Variants in ZNF451 observed in about 807,000 individuals in gnomAD.
ZNF451 encodes the protein E3 SUMO-protein ligase ZNF451.
ZNF451 carries 80 observed loss-of-function variants against 107.1 expected under a neutral mutation model. That is an observed-to-expected ratio of 0.75 (90% CI 0.62 to 0.90). The LOEUF (loss-of-function observed/expected upper bound fraction) is 0.90. Among genes scored for constraint, ZNF451 ranks in the 40% least tolerant of loss-of-function variants. ZNF451 has a pLI of 0.00. For missense variants in ZNF451, 1,107 were observed against 1,236.2 expected, an observed-to-expected ratio of 0.90 and a Z score of 1.57; for synonymous variants, 362 against 406.5, an observed-to-expected ratio of 0.89 and a Z score of 1.32.
intron 3 of ZNF451, chr6:57,101,908 A>G: frequency 6.4e-7 from 1 of 1,550,554 alleles, no homozygotes; most frequent in Non-Finnish European, 8.7e-7. Flanking sequence ...AGAAGACAAC[A>G]ATATAAAAGA....
At chr6:57,098,378 G>A (rs1028255824) in intron 2 of ZNF451, among the ~76,000 whole-genome samples, 1 of 151,786 alleles carries the variant, frequency 6.6e-6, no homozygotes, top group African/African-American at 2.4e-5. Context: ...GTATTCTCTT[G>A]TATATCCACT....
chr6:57,132,925 G>T, intron 5 of ZNF451, 117 bp from the exon 6 acceptor site: 1 of 973,050 alleles, frequency 1.0e-6, no homozygotes, highest in Non-Finnish European at 1.5e-6. Context: ...ATTATAATTA[G>T]CATCATCCAG....
At chr6:57,120,579 A>G (rs1357306256) in intron 3 of ZNF451, among the ~76,000 whole-genome samples, 1 of 152,238 alleles carries the variant, frequency 6.6e-6, no homozygotes, top group Admixed American at 6.5e-5. Context: ...TCAGTGTTTT[A>G]GATGTGGCCG....
At position 57,150,775 on chromosome 6, in the gene ZNF451, G is replaced by C. The variant is rs763031375; in HGVS notation, c.2665G>C (p.Val889Leu). Residue 889 changes from valine (V) to leucine (L), a missense_variant, in exon 11 of 15, where the codon GTC becomes CTC. Around this residue, in one of 5 missense-constraint regions of ZNF451, gnomAD observed 608 missense variants for 649.2 expected, o/e 0.94. Coordinates refer to ENST00000370706, the MANE Select transcript of ZNF451 (RefSeq NM_001031623.3). The part of the protein sequence containing the change: ...LDYLRTMTHI[V>L]FVDFDNWSNF... ...TTACCTGCGAACCATGACTCATATA[G>C]TCTTTGTAGATTTTGATAACTGGTC... The C allele has an allele frequency of 6.2e-7, 1 of 1,614,002 alleles. No homozygotes were observed. The highest frequency in any genetic ancestry group is 8.5e-7 in the Non-Finnish European group (1 of 1,179,968).
At chr6:57,124,414 T>C (rs1228652663) in intron 3 of ZNF451, 3 of 714,992 alleles carry the variant, frequency 4.2e-6, no homozygotes, top group Non-Finnish European at 7.8e-6. Flanking sequence ...CCTCTCTCTC[T>C]CTCTCCAATT....
In ZNF451 at chr6:57,142,071, A is replaced by C. The variant is rs757228297; in HGVS notation, c.980A>C (p.His327Pro). 40 of 1,613,096 alleles carry C rather than the reference A, an allele frequency of 2.5e-5. No individual in the cohort carries two copies. The highest frequency in any genetic ancestry group is 3.1e-5 in the Non-Finnish European group (37 of 1,179,262). The change falls in exon 9 of 15, where the codon CAC becomes CCC. Residue 327 changes from histidine to proline, a missense_variant. By Grantham distance (77) the His-to-Pro change is moderately conservative. This residue lies in a region of ZNF451 where 339 missense variants were observed against 372.8 expected (regional missense o/e 0.91). Coordinates refer to ENST00000370706, the MANE Select transcript of ZNF451 (RefSeq NM_001031623.3). ...GCCTGCCACAAGACACTGCGTTCCC[A>C]CATGGAGCTCACTGCCCATTTCAGG... ...CVACHKTLRS[H>P]MELTAHFRVH...
chr6:57,124,674 A>G, intron 3 of ZNF451, 60 bp from the exon 4 acceptor site: 2 of 1,217,626 alleles, frequency 1.6e-6, no homozygotes, highest in Admixed American at 1.9e-5. Flanking sequence ...TTATGAATGG[A>G]TGTATATTAT....
intron 13 of ZNF451, among the ~76,000 whole-genome samples, chr6:57,155,288 C>T (rs1035793490): frequency 3.9e-5 from 6 of 152,148 alleles, no homozygotes; most frequent in Admixed American, 6.6e-5. Context: ...AAGTTCAAGA[C>T]CAGCCTGGTC....
Position 57,124,294 on chromosome 6 carries a change from G to C in ZNF451, c.187-440G>C. On this transcript the variant is annotated intron_variant, in intron 3 of 14. Transcript: ENST00000370706. ...GCCCCTCTATGGCTGGCTCCCCCTG[G>C]AGTTTTTAACTCTCAGGCTCGTCCA... is the stretch of plus-strand genomic sequence containing the variant. 4.8e-6 allele frequency: 3 copies of C among 625,784 alleles called. No individual in the cohort carries two copies. In the South Asian group the frequency reaches 5.7e-5, roughly 12 times the overall value. 38.8% of individuals were successfully genotyped at this position (625,784 alleles called of 1,614,324 possible). A position where few individuals can be genotyped will look rare whatever the true frequency, so the allele number is the denominator to read the frequency against.
chr6:57,162,337 A>G (rs919741914), intron 14 of ZNF451, among the ~76,000 whole-genome samples: 6 of 152,206 alleles, frequency 3.9e-5, no homozygotes, highest in African/African-American at 1.4e-4. Flanking sequence ...ACTTTATGCT[A>G]TTAGGAGTTT....
intron 3 of ZNF451, chr6:57,115,335 CAT>C (rs1830316229): frequency 6.6e-6 from 1 of 152,126 alleles, no homozygotes; most frequent in African/African-American, 2.4e-5. Context: ...GTAAGTTTAA[CAT>C]TATCATTTCG....
intron 3 of ZNF451, chr6:57,104,279 C>G (rs1291505007): frequency 1.0e-6 from 1 of 985,192 alleles, no homozygotes; most frequent in Non-Finnish European, 1.2e-6. Context: ...ATCCCATGTG[C>G]TCTTGATATT....
chr6:57,140,808 G>A (rs1467090050), intron 7 of ZNF451, among the ~76,000 whole-genome samples: 1 of 152,166 alleles, frequency 6.6e-6, no homozygotes, highest in African/African-American at 2.4e-5. Context: ...ACTATGGAAT[G>A]AGAAAACTAA....
intron 3 of ZNF451, chr6:57,104,432 T>C: frequency 1.0e-6 from 1 of 985,434 alleles, no homozygotes; most frequent in Non-Finnish European, 1.2e-6. Context: ...TGTCCCCTTT[T>C]CCTTCCCTGA....
chr6:57,168,390 C>G (rs1763994978), intron 14 of ZNF451, 33 bp from the exon 15 acceptor site: 4 of 1,515,854 alleles, frequency 2.6e-6, no homozygotes, highest in South Asian at 2.3e-5. Flanking sequence ...GTTTTCTGCC[C>G]TAAGTGTTAA....
At chr6:57,107,160 G>A (rs1829899934) in intron 3 of ZNF451, 2 of 985,344 alleles carry the variant, frequency 2.0e-6, no homozygotes, top group South Asian at 9.4e-5. Flanking sequence ...GTCCAACCAT[G>A]TCCTTTTGAT....
chr6:57,160,332 G>C (rs956610279), intron 13 of ZNF451, among the ~76,000 whole-genome samples: 1 of 142,420 alleles, frequency 7.0e-6, no homozygotes, highest in Middle Eastern at 3.6e-3. Flanking sequence ...TTCTCGTCTC[G>C]TCTCGTCTCA....
chr6:57,108,102 G>T, intron 3 of ZNF451: 2 of 968,396 alleles, frequency 2.1e-6, no homozygotes, highest in Non-Finnish European at 2.5e-6. Flanking sequence ...GCCTCCCAAA[G>T]TGCTGGGATT....
At chr6:57,101,952 G>A in intron 3 of ZNF451, 2 of 1,550,452 alleles carry the variant, frequency 1.3e-6, no homozygotes, top group Non-Finnish European at 1.7e-6. Context: ...ACTATAATCA[G>A]CATCGATACT....
Sources: gnomAD v4.1 joint callset for allele counts (sites outside exome capture counted in the v4.1 genomes callset) on GRCh38, gnomAD v4.1.1 for gene constraint, gnomAD v4.1.1 regional missense constraint, MANE v1.5 for transcripts, NCBI Gene and HGNC (gene_info 2026-07-23, HGNC 2026-07-21) for gene names.